MDFIC2: variants seen among roughly 807,000 people sequenced by gnomAD.
MDFIC2 encodes MyoD family inhibitor domain containing 2, also known as myoD family inhibitor domain-containing protein 2.
chr3:70,221,328 C>G (rs1333350053), intron 2 of MDFIC2, among the ~76,000 whole-genome samples: 1 of 151,992 alleles, frequency 6.6e-6, no homozygotes. Flanking sequence ...TCACAAAAAC[C>G]CAATGCGGAA....
chr3:70,264,216 G>T (rs1010431051), intron 2 of MDFIC2, among the ~76,000 whole-genome samples: 1 of 152,176 alleles, frequency 6.6e-6, no homozygotes, highest in African/African-American at 2.4e-5. Flanking sequence ...CAATGGCAAT[G>T]ACTTGAACAT....
At chr3:70,290,388 G>A (rs1702223224) in intron 2 of MDFIC2, among the ~76,000 whole-genome samples, 1 of 152,192 alleles carries the variant, frequency 6.6e-6, no homozygotes, top group Non-Finnish European at 1.5e-5. Context: ...CAGGGGTCAG[G>A]GACCCACTTG....
At chr3:70,226,609 G>A (rs1701508986) in intron 2 of MDFIC2, among the ~76,000 whole-genome samples, 3 of 151,602 alleles carry the variant, frequency 2.0e-5, no homozygotes, top group Admixed American at 6.6e-5. Context: ...ATGGTGGCGG[G>A]TGCCTGTAAT....
At chr3:70,255,375 G>A (rs1400920358) in intron 2 of MDFIC2, among the ~76,000 whole-genome samples, 2 of 152,138 alleles carry the variant, frequency 1.3e-5, no homozygotes, top group African/African-American at 2.4e-5. Flanking sequence ...TTGACATTTG[G>A]TTCATAATAA....
At position 70,195,686 on chromosome 3, in the gene MDFIC2, A is replaced by G. The variant is rs576013220; in HGVS notation, c.*1240T>C. On this transcript the variant is annotated 3_prime_UTR_variant, in exon 4 of 4. Transcript: ENST00000567252. ...GTGTTCTTTGTTTGGTTACTCATGC[A>G]TGATGCTTTTTTATATTCAGTGAAA... Among the ~76,000 whole-genome samples, 2 of 152,184 alleles carry G rather than the reference A, an allele frequency of 1.3e-5. No homozygotes were observed. Among genetic ancestry groups the G allele is most frequent in the South Asian group, 2.1e-4 (1 of 4,822 alleles).
chr3:70,227,848 C>A (rs905212938), intron 2 of MDFIC2, among the ~76,000 whole-genome samples: 1 of 152,010 alleles, frequency 6.6e-6, no homozygotes, highest in Non-Finnish European at 1.5e-5. Context: ...TAGTAGTAAG[C>A]GGCAGAGCTG....
At chr3:70,224,207 G>T (rs950118547) in intron 2 of MDFIC2, among the ~76,000 whole-genome samples, 3 of 152,140 alleles carry the variant, frequency 2.0e-5, no homozygotes, top group African/African-American at 7.2e-5. Flanking sequence ...TTTCTTCTCA[G>T]TTTATAAGTA....
chr3:70,255,182 G>A (rs6549309), intron 2 of MDFIC2, among the ~76,000 whole-genome samples: 151,268 of 152,348 alleles, frequency 0.99, 75,108 homozygotes, highest in Non-Finnish European at 1. Context: ...GATTTATGTT[G>A]TCTAAAAAAA....
intron 2 of MDFIC2, among the ~76,000 whole-genome samples, chr3:70,215,487 C>T (rs1485379706): frequency 1.3e-5 from 2 of 152,008 alleles, no homozygotes; most frequent in Admixed American, 1.3e-4. Context: ...CCTAGAATTC[C>T]TATTTGATAA....
Position 70,206,739 on chromosome 3 carries a change from A to G in MDFIC2, c.140T>C (p.Ile47Thr). 1.0e-5 allele frequency: 4 copies of G among 397,870 alleles called. No individual in the cohort carries two copies. Among genetic ancestry groups the G allele is most frequent in the Non-Finnish European group, 1.8e-5 (4 of 225,546 alleles). 24.6% of individuals were successfully genotyped at this position (397,870 alleles called of 1,614,324 possible). ...GAAGTCAGATACTGAATTTATAACA[A>G]TAGCATTAATGGGTTTCTCATCTGC... ...KHADEKPINAIVINSVSDFNI... is the reference protein window; with the variant it reads ...KHADEKPINATVINSVSDFNI... The change falls in exon 3 of 4, where the codon ATT (isoleucine) becomes ACT (threonine). Residue 47 changes from isoleucine (I) to threonine (T), a missense_variant. By Grantham distance (89) the Ile-to-Thr change is moderately conservative (BLOSUM62 -1). Transcript: ENST00000567252.
chr3:70,288,334 A>G (rs1301283393), intron 2 of MDFIC2, among the ~76,000 whole-genome samples: 2 of 119,674 alleles, frequency 1.7e-5, no homozygotes, highest in Non-Finnish European at 3.4e-5. Context: ...GTCATTCAGG[A>G]GCAGGTTGTT....
chr3:70,228,528 C>CTTTG (rs1044247537), intron 2 of MDFIC2, among the ~76,000 whole-genome samples: 3 of 150,958 alleles, frequency 2.0e-5, no homozygotes, highest in Admixed American at 1.3e-4. Flanking sequence ...TTTCTAAGTT[C>CTTTG]TTTGTTTGTT....
At position 70,264,186 on chromosome 3, in the gene MDFIC2, G is replaced by T. The variant is rs111936163; in HGVS notation, c.88+47700C>A. Among the ~76,000 whole-genome samples, 55 of 152,256 alleles carry T rather than the reference G, an allele frequency of 3.6e-4. 1 individual carries two copies. Among genetic ancestry groups the T allele is most frequent in the African/African-American group, 1.3e-3 (55 of 41,534 alleles). ...ATTTATTCATTTTAAAATATATACA[G>T]ATGGTGTAAATAAAAATGGCAATGG... On this transcript the variant is annotated intron_variant, in intron 2 of 3. Transcript: ENST00000567252.
intron 3 of MDFIC2, chr3:70,205,282 A>T (rs1701279364): frequency 6.6e-6 from 1 of 152,044 alleles, no homozygotes; most frequent in African/African-American, 2.4e-5. Context: ...TGACATTTAG[A>T]TGAGCCATGT....
At chr3:70,310,691 G>T (rs934756379) in intron 2 of MDFIC2, among the ~76,000 whole-genome samples, 1 of 152,110 alleles carries the variant, frequency 6.6e-6, no homozygotes, top group Non-Finnish European at 1.5e-5. Flanking sequence ...AATTAGGGTT[G>T]GGGGTAGGGT....
At chr3:70,232,599 T>C (rs183840828) in intron 2 of MDFIC2, among the ~76,000 whole-genome samples, 3 of 151,974 alleles carry the variant, frequency 2.0e-5, no homozygotes, top group East Asian at 3.9e-4. Context: ...GGGGTTTCAC[T>C]GTGTGGGCCA....
intron 2 of MDFIC2, among the ~76,000 whole-genome samples, chr3:70,293,725 A>G (rs1702263914): frequency 6.6e-6 from 1 of 152,018 alleles, no homozygotes; most frequent in Non-Finnish European, 1.5e-5. Context: ...ATTTTTTTAA[A>G]TTACATTAAT....
At chr3:70,220,545 C>G (rs1701452967) in intron 2 of MDFIC2, among the ~76,000 whole-genome samples, 1 of 152,110 alleles carries the variant, frequency 6.6e-6, no homozygotes, top group African/African-American at 2.4e-5. Context: ...TACCAAAGCA[C>G]TGAAGTGAAT....
chr3:70,257,740 A>T (rs1701829838), intron 2 of MDFIC2, among the ~76,000 whole-genome samples: 1 of 152,168 alleles, frequency 6.6e-6, no homozygotes, highest in Non-Finnish European at 1.5e-5. Context: ...TCCTCTGCCA[A>T]ATGACTTATG....
Sources: gnomAD v4.1 joint callset for allele counts (sites outside exome capture counted in the v4.1 genomes callset) on GRCh38, gnomAD v4.1.1 for gene constraint, MANE v1.5 for transcripts, NCBI Gene and HGNC (gene_info 2026-07-23, HGNC 2026-07-21) for gene names.